Variants in NAV2 observed in about 807,000 individuals in gnomAD.
NAV2 encodes the protein neuron navigator 2.
In NAV2, 54 loss-of-function variants were observed where a neutral mutation model predicts 223.2. The ratio of observed to expected loss-of-function variants is 0.24; its 90% CI spans 0.19 to 0.30. NAV2 has a LOEUF of 0.30. Among genes scored for constraint, NAV2 ranks in the 10% least tolerant of loss-of-function variants. The pLI is 1.00. For missense variants in NAV2, 2,806 were observed against 3,147.5 expected, an observed-to-expected ratio of 0.89 and a Z score of 2.60; for synonymous variants, 1,279 against 1,239.3, an observed-to-expected ratio of 1.03 and a Z score of -0.67.
intron 12 of NAV2, among the ~76,000 whole-genome samples, chr11:20,042,281 G>A (rs1255070315): frequency 6.6e-6 from 1 of 152,218 alleles, no homozygotes; most frequent in East Asian, 1.9e-4. Flanking sequence ...GATCGGATAA[G>A]ATAATTTTGC....
At chr11:19,874,368 G>T (rs1178631514) in intron 4 of NAV2, among the ~76,000 whole-genome samples, 1 of 152,242 alleles carries the variant, frequency 6.6e-6, no homozygotes, top group Non-Finnish European at 1.5e-5. Flanking sequence ...AGGGCTCCAG[G>T]TTGGGTTTAG....
chr11:19,918,608 T>C (rs2044006588), intron 6 of NAV2, among the ~76,000 whole-genome samples: 1 of 152,244 alleles, frequency 6.6e-6, no homozygotes, highest in African/African-American at 2.4e-5. Context: ...GCCCCTGGAA[T>C]TCCTGGTTAT....
At chr11:19,693,834 C>T (rs193216268) in intron 1 of NAV2, among the ~76,000 whole-genome samples, 6 of 152,294 alleles carry the variant, frequency 3.9e-5, no homozygotes, top group Admixed American at 3.3e-4. Context: ...CTAGAGTAGA[C>T]TACGGTCTTC....
chr11:19,517,007 C>T (rs2043474827), intron 1 of NAV2, among the ~76,000 whole-genome samples: 1 of 150,332 alleles, frequency 6.7e-6, no homozygotes, highest in African/African-American at 2.5e-5. Context: ...CCCAGGAGTT[C>T]ATGACCAGAC....
chr11:19,534,084 T>C (rs2044113938), intron 1 of NAV2, among the ~76,000 whole-genome samples: 2 of 152,214 alleles, frequency 1.3e-5, no homozygotes, highest in Non-Finnish European at 2.9e-5. Context: ...ATGCCACCCT[T>C]GTGGCTCCTC....
intron 1 of NAV2, among the ~76,000 whole-genome samples, chr11:19,382,861 G>A (rs1241958933): frequency 6.6e-6 from 1 of 152,132 alleles, no homozygotes; most frequent in Non-Finnish European, 1.5e-5. Context: ...TTGAACCTAG[G>A]GAGTCTGACT....
At chr11:19,777,713 T>A in intron 1 of NAV2, 1 of 399,062 alleles carries the variant, frequency 2.5e-6, no homozygotes, top group Admixed American at 2.6e-5. Flanking sequence ...AAAGTCGATG[T>A]GTGTATGTCT....
rs2061793665 is a variant in NAV2 at position 20,103,523 on chromosome 11, A to G, written c.6572+114A>G. On this transcript the variant is annotated intron_variant, in intron 33 of 37. Transcript: ENST00000349880. ...TGTGGGAGTGAAGCTGTGCACACGCATAGGGTTGGGAGTGGGAGGCAGCCA... is the reference window on the plus strand; with the variant it reads ...TGTGGGAGTGAAGCTGTGCACACGCGTAGGGTTGGGAGTGGGAGGCAGCCA... The G allele has an allele frequency of 1.0e-5, 15 of 1,496,424 alleles. No individual in the cohort carries two copies. In the South Asian group the frequency reaches 1.7e-4, roughly 17 times the overall value. The allele number at this position is 1,496,424 out of a possible 1,614,324, so 92.7% of individuals were successfully genotyped here.
intron 1 of NAV2, among the ~76,000 whole-genome samples, chr11:19,592,588 GCTT>G (rs2046092173): frequency 6.6e-6 from 1 of 152,070 alleles, no homozygotes; most frequent in Non-Finnish European, 1.5e-5. Flanking sequence ...ATGAACTTGG[GCTT>G]TTTAATTCCT....
chr11:19,837,312 AGAGG>A (rs1453884410), intron 2 of NAV2, among the ~76,000 whole-genome samples: 3 of 152,242 alleles, frequency 2.0e-5, no homozygotes, highest in Non-Finnish European at 2.9e-5. Flanking sequence ...GCTGACTGAT[AGAGG>A]GAGTTGCAGC....
intron 6 of NAV2, among the ~76,000 whole-genome samples, chr11:19,900,270 G>A (rs539728044): frequency 3.4e-5 from 2 of 57,980 alleles, no homozygotes; most frequent in Non-Finnish European, 1.4e-4. Context: ...GATCACTGGA[G>A]GAATAAACAA....
chr11:20,019,333 G>T (rs1334284415), intron 11 of NAV2, among the ~76,000 whole-genome samples: 2 of 152,208 alleles, frequency 1.3e-5, no homozygotes, highest in Non-Finnish European at 2.9e-5. Flanking sequence ...GCAAGAAGGA[G>T]GGAGAGAATT....
intron 1 of NAV2, among the ~76,000 whole-genome samples, chr11:19,610,887 T>A (rs1382154161): frequency 1.3e-5 from 2 of 152,142 alleles, no homozygotes; most frequent in Non-Finnish European, 2.9e-5. Context: ...CAGGCCTACT[T>A]GCCTAAATGC....
chr11:19,796,366 C>T (rs2057897050), intron 1 of NAV2, among the ~76,000 whole-genome samples: 1 of 152,176 alleles, frequency 6.6e-6, no homozygotes, highest in Non-Finnish European at 1.5e-5. Context: ...ACCTTATTGA[C>T]AGAACCCAAA....
chr11:20,033,251 A>G (rs1350380702), intron 11 of NAV2, among the ~76,000 whole-genome samples: 1 of 152,252 alleles, frequency 6.6e-6, no homozygotes, highest in Non-Finnish European at 1.5e-5. Flanking sequence ...CTATAACAAT[A>G]TATTTAAAGT....
chr11:20,106,201 A>ATGTGTG (rs1229372665), intron 35 of NAV2, among the ~76,000 whole-genome samples: 1 of 33,050 alleles, frequency 3.0e-5, no homozygotes, highest in Non-Finnish European at 9.0e-5. Context: ...ATATATATAT[A>ATGTGTG]TATATATATA....
chr11:20,048,642 C>T, intron 14 of NAV2, 86 bp from the exon 15 acceptor site: 1 of 1,133,904 alleles, frequency 8.8e-7, no homozygotes, highest in Non-Finnish European at 1.3e-6. Context: ...GAATTCTCAC[C>T]AACTCCTCTG....
At chr11:19,379,285 G>T (rs55861306) in intron 1 of NAV2, among the ~76,000 whole-genome samples, 12,778 of 152,208 alleles carry the variant, frequency 0.084, 765 homozygotes, top group African/African-American at 0.16. Flanking sequence ...ACTAAGGGAA[G>T]TAATAAGGTG....
At chr11:19,560,255 C>G (rs1441712383) in intron 1 of NAV2, among the ~76,000 whole-genome samples, 10 of 152,170 alleles carry the variant, frequency 6.6e-5, no homozygotes, top group Admixed American at 6.5e-4. Context: ...TAACTAATCA[C>G]AAGCTTTAGA....
Sources: allele counts gnomAD v4.1 joint callset (sites outside exome capture counted in the v4.1 genomes callset), GRCh38; gene constraint gnomAD v4.1.1; transcripts MANE v1.5; gene names NCBI Gene and HGNC (gene_info 2026-07-23, HGNC 2026-07-21).